Variants in TRDN observed in about 807,000 individuals in gnomAD.
The protein encoded by TRDN is triadin.
A neutral mutation model predicts 149.7 loss-of-function variants in TRDN; 161 were observed. The observed-to-expected ratio is 1.08, with a 90% CI of 0.95 to 1.23. TRDN has a LOEUF of 1.23. Among genes scored for constraint, TRDN ranks in the 50% most tolerant of loss-of-function variants. The pLI, the probability that TRDN is intolerant of heterozygous loss-of-function variation, is 0.00. For missense variants in TRDN, 896 were observed against 823.5 expected, an observed-to-expected ratio of 1.09 and a Z score of -1.08; for synonymous variants, 294 against 250.5, an observed-to-expected ratio of 1.17 and a Z score of -1.64.
rs1562237721 is a variant in TRDN at position 123,266,643 on chromosome 6, A to ATATAATATATATATTATAATATGTATTAT, written c.1783+1063_1783+1064insATAATACATATTATAATATATATATTATA. Among the ~76,000 whole-genome samples, 133 of 24,738 alleles carry ATATAATATATATATTATAATATGTATTAT rather than the reference A, an allele frequency of 5.4e-3. 58 individuals carry two copies. Among genetic ancestry groups the ATATAATATATATATTATAATATGTATTAT allele is most frequent in the Non-Finnish European group, 0.01 (112 of 10,762 alleles). The allele number at this position is 24,738 out of a possible 152,430, so 16.2% of individuals were successfully genotyped here. A position where few individuals can be genotyped will look rare whatever the true frequency, so the allele number is the denominator to read the frequency against. ...TAATATATATTATAATATGTATTAT[A>ATATAATATATATATTATAATATGTATTAT]TTATAATAATATGTATAATATGTAT... On this transcript the variant is annotated intron_variant, in intron 32 of 40. Transcript: ENST00000334268.
intron 10 of TRDN, among the ~76,000 whole-genome samples, chr6:123,449,544 C>A (rs1775635310): frequency 6.6e-6 from 1 of 152,068 alleles, no homozygotes; most frequent in Non-Finnish European, 1.5e-5. Flanking sequence ...AAAATATGAA[C>A]AAAGCTTCCA....
intron 12 of TRDN, among the ~76,000 whole-genome samples, chr6:123,434,362 T>C (rs914441190): frequency 3.9e-5 from 6 of 152,044 alleles, no homozygotes; most frequent in African/African-American, 1.4e-4. Flanking sequence ...AAAGCAGAAA[T>C]GGTTTGGCAG....
intron 1 of TRDN, among the ~76,000 whole-genome samples, chr6:123,635,323 A>AACACAC (rs141018949): frequency 0.017 from 2,566 of 147,218 alleles, 60 homozygotes; most frequent in East Asian, 0.062. Context: ...CAGAAAAGAA[A>AACACAC]ACACACACAC....
chr6:123,552,033 A>AT, intron 2 of TRDN, among the ~76,000 whole-genome samples: 1 of 152,078 alleles, frequency 6.6e-6, no homozygotes, highest in South Asian at 2.1e-4. Flanking sequence ...GGAAAAAAAA[A>AT]TGAGTCCACG....
chr6:123,278,973 A>G (rs1777478387), intron 25 of TRDN, 83 bp downstream of exon 25: 3 of 1,272,708 alleles, frequency 2.4e-6, no homozygotes, highest in Non-Finnish European at 3.3e-6. Context: ...AATCAAGATA[A>G]ATAACAGCAT....
rs1244747404 is a variant in TRDN, at chr6:123,218,602, T to C, written c.2189A>G (p.Ter730=). Residue 730 remains the stop codon, a stop_retained_variant, in exon 41 of 41, where the codon TAA becomes TGA. Transcript: ENST00000334268. The stretch of plus-strand genomic sequence containing the variant: ...CTTGTAAGGGTCATACATGTGTGTT[T>C]ACTGTCCTTGTTGCTTCTGTCCTGG... The part of the protein sequence containing the change: ...NSPGQKQQGQ[*] 4.3e-6 allele frequency: 7 copies of C among 1,611,246 alleles called. No homozygotes were observed. Among genetic ancestry groups the C allele is most frequent in the Non-Finnish European group, 5.9e-6 (7 of 1,178,332 alleles).
At chr6:123,397,227 T>C (rs1309635539) in intron 12 of TRDN, among the ~76,000 whole-genome samples, 1 of 152,116 alleles carries the variant, frequency 6.6e-6, no homozygotes, top group Non-Finnish European at 1.5e-5. Context: ...GTGAAGTGGC[T>C]GGCCATTAGA....
chr6:123,595,117 C>A (rs1334914665), intron 1 of TRDN, among the ~76,000 whole-genome samples: 2 of 151,982 alleles, frequency 1.3e-5, no homozygotes, highest in Non-Finnish European at 2.9e-5. Context: ...TCCTGGTGTC[C>A]TGCAAATTAT....
At chr6:123,319,579 G>A (rs1290013599) in intron 23 of TRDN, among the ~76,000 whole-genome samples, 1 of 152,082 alleles carries the variant, frequency 6.6e-6, no homozygotes, top group African/African-American at 2.4e-5. Context: ...TGGCCATTGG[G>A]ACTGGGAGGC....
intron 1 of TRDN, among the ~76,000 whole-genome samples, chr6:123,610,679 C>G (rs1784764118): frequency 2.0e-5 from 3 of 152,120 alleles, no homozygotes; most frequent in African/African-American, 4.8e-5. Flanking sequence ...GACAGTTGGA[C>G]TATGAGTAGA....
rs185353288 is a variant in TRDN, at chr6:123,494,208, T to C, written c.853+2985A>G. ...TATCTTCAGGGGTTGGAATACTCTA[T>C]AATGTTGTAGGTCTGAACTTAGGAC... On this transcript the variant is annotated intron_variant, in intron 9 of 40. Transcript: ENST00000334268. 1.8e-3 allele frequency among the ~76,000 whole-genome samples: 276 copies of C among 152,292 alleles called. 2 individuals are homozygous for C. The highest frequency in any genetic ancestry group is 6.3e-3 in the African/African-American group (263 of 41,584).
intron 23 of TRDN, among the ~76,000 whole-genome samples, chr6:123,320,262 G>A (rs1779194025): frequency 6.6e-6 from 1 of 151,384 alleles, no homozygotes; most frequent in Non-Finnish European, 1.5e-5. Flanking sequence ...CCACATGGTA[G>A]TCTCTAAGGT....
At position 123,530,527 on chromosome 6, in the gene TRDN, C is replaced by T. The variant is rs1386718060; in HGVS notation, c.463G>A (p.Glu155Lys). Residue 155 changes from glutamate (E) to lysine (K), a missense_variant, in exon 5 of 41, where the codon GAA (glutamate) becomes AAA (lysine). Glu to Lys is a moderately conservative substitution (Grantham distance 56). Coordinates refer to ENST00000334268, the MANE Select transcript of TRDN (RefSeq NM_006073.4). ...KDKTEKQEKP[E>K]RKIQTKVTHK... ...TTACCTTTAGTTTGTATTTTCCTTTCAGGTTTCTCTTGTTTTTCAGTCTTA... is the reference window on the plus strand; with the variant it reads ...TTACCTTTAGTTTGTATTTTCCTTTTAGGTTTCTCTTGTTTTTCAGTCTTA... The T allele has an allele frequency of 2.4e-6, 3 of 1,252,392 alleles. No homozygotes were observed. Among genetic ancestry groups the T allele is most frequent in the Non-Finnish European group, 3.2e-6 (3 of 935,142 alleles). 77.6% of individuals were successfully genotyped at this position (1,252,392 alleles called of 1,614,324 possible).
chr6:123,516,977 T>G (rs538947988), intron 5 of TRDN, among the ~76,000 whole-genome samples: 1 of 152,258 alleles, frequency 6.6e-6, no homozygotes, highest in African/African-American at 2.4e-5. Context: ...TAACTATCAT[T>G]TATTTATACA....
intron 4 of TRDN, among the ~76,000 whole-genome samples, chr6:123,539,333 G>A (rs968059657): frequency 6.6e-6 from 1 of 152,142 alleles, no homozygotes; most frequent in African/African-American, 2.4e-5. Context: ...CCCATATGAT[G>A]CTAACATTGC....
chr6:123,502,372 G>A (rs1778736103), intron 8 of TRDN: 1 of 707,552 alleles, frequency 1.4e-6, no homozygotes, highest in Non-Finnish European at 1.7e-6. Flanking sequence ...CTTGAAAATT[G>A]GAAAAAGTTT....
chr6:123,366,160 C>G lies in TRDN; in HGVS notation c.1296G>C (p.Glu432Asp). ...VKAKTERAKE[E>D]IGAVSIKKAV... ...CTTTTTTAATTGAAACCGCACCAATCTCCTCTTTGGCTCGTTCAGTTTCTG... is the reference window on the plus strand; with the variant it reads ...CTTTTTTAATTGAAACCGCACCAATGTCCTCTTTGGCTCGTTCAGTTTCTG... Residue 432 changes from glutamate (E) to aspartate (D), a missense_variant, in exon 20 of 41, where the codon GAG becomes GAC. Physicochemically the swap from Glu to Asp is conservative, Grantham distance 45. Coordinates refer to ENST00000334268, the MANE Select transcript of TRDN (RefSeq NM_006073.4). The G allele has an allele frequency of 6.2e-7, 1 of 1,612,962 alleles. No individual in the cohort carries two copies. Among genetic ancestry groups the G allele is most frequent in the South Asian group, 1.1e-5 (1 of 91,004 alleles).
chr6:123,558,192 G>T (rs375231451), intron 2 of TRDN, among the ~76,000 whole-genome samples: 3 of 151,590 alleles, frequency 2.0e-5, no homozygotes, highest in African/African-American at 7.3e-5. Flanking sequence ...TTTCCCTCCC[G>T]CCTGTCCCCT....
chr6:123,472,674 A>G (rs1777239414), intron 9 of TRDN, among the ~76,000 whole-genome samples: 1 of 152,226 alleles, frequency 6.6e-6, no homozygotes, highest in African/African-American at 2.4e-5. Context: ...GCAGACTTAA[A>G]TGTCCCTGTC....
Sources: allele counts gnomAD v4.1 joint callset (sites outside exome capture counted in the v4.1 genomes callset), GRCh38; gene constraint gnomAD v4.1.1; transcripts MANE v1.5; gene names NCBI Gene and HGNC (gene_info 2026-07-23, HGNC 2026-07-21).